ARFGEF1: variants seen among roughly 807,000 people sequenced by gnomAD.
ARFGEF1 encodes the protein ARF guanine nucleotide exchange factor 1, also known as brefeldin A-inhibited guanine nucleotide-exchange protein 1.
In ARFGEF1, 42 loss-of-function variants were observed where a neutral mutation model predicts 231.0. The observed-to-expected ratio is 0.18, with a 90% CI of 0.14 to 0.24. The LOEUF is 0.24. Among genes scored for constraint, ARFGEF1 ranks in the 10% least tolerant of loss-of-function variants. ARFGEF1 has a pLI of 1.00. For missense variants in ARFGEF1, 1,345 were observed against 2,192.0 expected, an observed-to-expected ratio of 0.61 and a Z score of 7.72; for synonymous variants, 710 against 732.3, an observed-to-expected ratio of 0.97 and a Z score of 0.49.
intron 34 of ARFGEF1, among the ~76,000 whole-genome samples, chr8:67,209,566 TTC>T (rs1272389674): frequency 2.7e-5 from 4 of 147,432 alleles, no homozygotes; most frequent in Non-Finnish European, 5.9e-5. Context: ...ATATTGTTAT[TTC>T]TGTTATGTAA....
At position 67,207,724 on chromosome 8, in the gene ARFGEF1, G is replaced by A. The variant is rs956197751; in HGVS notation, c.4820-2905C>T. On this transcript the variant is annotated intron_variant, in intron 34 of 38. Coordinates refer to ENST00000262215, the MANE Select transcript of ARFGEF1 (RefSeq NM_006421.5). The stretch of plus-strand genomic sequence containing the variant: ...ACTGAGTTGGAGAGTCAGATGCAGC[G>A]GCCTCCCCATCAAACAGGAGAACCA... 8.5e-5 allele frequency among the ~76,000 whole-genome samples: 13 copies of A among 152,148 alleles called. No individual in the cohort carries two copies. In the East Asian group the frequency reaches 1.9e-3, roughly 23 times the overall value.
chr8:67,247,412 CCAG>C (rs1840140047), intron 19 of ARFGEF1, among the ~76,000 whole-genome samples: 1 of 150,258 alleles, frequency 6.7e-6, no homozygotes, highest in East Asian at 1.9e-4. Context: ...GGGATTTATC[CCAG>C]GGATGCAAGG....
At chr8:67,194,169 C>G (rs567399391), downstream of ARFGEF1, among the ~76,000 whole-genome samples, 14 of 152,304 alleles carry the variant, frequency 9.2e-5, no homozygotes, top group African/African-American at 3.4e-4. Flanking sequence ...CCTGCCAGCC[C>G]TACACCACCC....
chr8:67,231,532 A>G (rs577834576), intron 23 of ARFGEF1, among the ~76,000 whole-genome samples: 6 of 152,248 alleles, frequency 3.9e-5, no homozygotes, highest in African/African-American at 1.4e-4. Context: ...GGTCATATAA[A>G]GTACATTATA....
At position 67,288,042 on chromosome 8, in the gene ARFGEF1, A is replaced by G. The variant is rs996930481; in HGVS notation, c.940T>C (p.Tyr314His). 5 of 1,601,122 alleles carry G rather than the reference A, an allele frequency of 3.1e-6. No homozygotes were observed. Among genetic ancestry groups the G allele is most frequent in the Non-Finnish European group, 4.3e-6 (5 of 1,175,710 alleles). ...TCACAATCATGGTTTTCTCCGTCAT[A>G]TAACACTTCATTTTTAGATAATGCT... ...AETLSKNEVL[Y>H]DGENHDCEEK... The change falls in exon 7 of 39, where the codon TAT (tyrosine) becomes CAT (histidine). Residue 314 changes from tyrosine to histidine, a missense_variant. Tyr to His is a moderately conservative substitution (Grantham distance 83, BLOSUM62 2). Coordinates refer to ENST00000262215, the MANE Select transcript of ARFGEF1 (RefSeq NM_006421.5).
intron 1 of ARFGEF1, among the ~76,000 whole-genome samples, chr8:67,332,941 C>G (rs1808166971): frequency 6.6e-6 from 1 of 152,006 alleles, no homozygotes; most frequent in Non-Finnish European, 1.5e-5. Context: ...GAGATAAAGT[C>G]AATGAAGTAT....
intron 10 of ARFGEF1, 147 bp downstream of exon 10, chr8:67,271,555 T>C (rs918186772): frequency 3.1e-6 from 2 of 640,178 alleles, no homozygotes; most frequent in African/African-American, 3.7e-5. Flanking sequence ...CACATATTAG[T>C]TGAACAGGTG....
chr8:67,246,449 G>A (rs1250669304), intron 19 of ARFGEF1, among the ~76,000 whole-genome samples: 1 of 150,082 alleles, frequency 6.7e-6, no homozygotes, highest in South Asian at 2.1e-4. Context: ...TCAGTAACAA[G>A]AATAATTTTA....
intron 4 of ARFGEF1, 61 bp from the exon 5 acceptor site, chr8:67,296,671 C>T: frequency 7.5e-7 from 1 of 1,335,224 alleles, no homozygotes; most frequent in Non-Finnish European, 1.0e-6. Context: ...TTTTTGGAGA[C>T]AGTCTTTCTC....
chr8:67,215,319 G>C (rs1563841259), intron 33 of ARFGEF1, among the ~76,000 whole-genome samples: 1 of 152,062 alleles, frequency 6.6e-6, no homozygotes, highest in Non-Finnish European at 1.5e-5. Flanking sequence ...CTTAGAATGG[G>C]GTGACCATCT....
intron 22 of ARFGEF1, among the ~76,000 whole-genome samples, chr8:67,234,163 G>A (rs1332783319): frequency 6.6e-6 from 1 of 152,042 alleles, no homozygotes; most frequent in Non-Finnish European, 1.5e-5. Flanking sequence ...CATAACAGAT[G>A]ATATCATTTA....
In ARFGEF1 at chr8:67,343,573, C is replaced by T. The variant is rs1428602624; in HGVS notation, c.-286G>A. 12 of 1,115,218 alleles carry T rather than the reference C, an allele frequency of 1.1e-5. No individual in the cohort carries two copies. In the East Asian group the frequency reaches 6.1e-4, roughly 57 times the overall value. The allele number at this position is 1,115,218 out of a possible 1,614,324, so 69.1% of individuals were successfully genotyped here. On this transcript the variant is annotated 5_prime_UTR_variant, in exon 1 of 39. Transcript: ENST00000262215. The stretch of plus-strand genomic sequence containing the variant: ...CCCGGGGGTCGCGTCCCGGCCGCCC[C>T]TCTCACTCGTCCCTCCGGCCCTGGT...
chr8:67,276,231 G>C (rs1805307551), intron 8 of ARFGEF1, 122 bp from the exon 9 acceptor site: 4 of 1,063,106 alleles, frequency 3.8e-6, no homozygotes, highest in Non-Finnish European at 5.4e-6. Context: ...GTTGGAAGGG[G>C]AACCAGATGA....
intron 29 of ARFGEF1, among the ~76,000 whole-genome samples, chr8:67,222,091 G>T (rs1388388994): frequency 6.7e-6 from 1 of 149,742 alleles, no homozygotes; most frequent in Non-Finnish European, 1.5e-5. Context: ...GGGATTACAG[G>T]CGTGAGCCAC....
At chr8:67,175,139 G>T (rs1831303412), downstream of ARFGEF1, 21 of 626,604 alleles carry the variant, frequency 3.4e-5, no homozygotes, top group South Asian at 3.0e-4. Flanking sequence ...TAGTTTTGTG[G>T]CTATTTTACT....
intron 1 of ARFGEF1, among the ~76,000 whole-genome samples, chr8:67,311,304 C>A (rs1807034331): frequency 1.6e-5 from 2 of 127,118 alleles, no homozygotes; most frequent in East Asian, 2.5e-4. Context: ...GTCAGCCCCC[C>A]CGCCCGGCCA....
chr8:67,274,598 C>T (rs1002871652), intron 9 of ARFGEF1, among the ~76,000 whole-genome samples: 1 of 152,038 alleles, frequency 6.6e-6, no homozygotes, highest in African/African-American at 2.4e-5. Flanking sequence ...AATGAACATA[C>T]TCCTCAAAAT....
downstream of ARFGEF1, chr8:67,196,250 T>A (rs2129576857): frequency 6.6e-6 from 1 of 152,346 alleles, no homozygotes; most frequent in African/African-American, 2.4e-5. Context: ...AAATTTTTAT[T>A]TTAATTACTA....
At chr8:67,183,842 A>AT (rs1833643647) in intron 5 of ARFGEF1, among the ~76,000 whole-genome samples, 1 of 141,066 alleles carries the variant, frequency 7.1e-6, no homozygotes. Context: ...AAAAATTGGG[A>AT]ATTTTTTTTT....
Sources: gnomAD v4.1 joint callset for allele counts (sites outside exome capture counted in the v4.1 genomes callset) on GRCh38, gnomAD v4.1.1 for gene constraint, MANE v1.5 for transcripts, NCBI Gene and HGNC (gene_info 2026-07-23, HGNC 2026-07-21) for gene names.